The following PPFIBP1 variants were observed in gnomAD, a reference collection of about 807,000 sequenced individuals.
PPFIBP1 encodes liprin-beta-1.
PPFIBP1 carries 112 observed loss-of-function variants against 137.8 expected under a neutral mutation model. The ratio of observed to expected loss-of-function variants is 0.81; its 90% CI spans 0.70 to 0.95. PPFIBP1 has a LOEUF of 0.95. Among genes scored for constraint, PPFIBP1 ranks in the 40% least tolerant of loss-of-function variants. The pLI, the probability that PPFIBP1 is intolerant of heterozygous loss-of-function variation, is 0.00. For missense variants in PPFIBP1, 1,083 were observed against 1,196.6 expected (o/e 0.91, Z 1.40); for synonymous variants, 378 against 417.3 (o/e 0.91, Z 1.15).
chr12:27,603,798 TGA>T (rs1408984972), intron 2 of PPFIBP1, among the ~76,000 whole-genome samples: 1 of 152,174 alleles, frequency 6.6e-6, no homozygotes, highest in Non-Finnish European at 1.5e-5. Flanking sequence ...TTTGGTGAAA[TGA>T]GTGTCATCTA....
At chr12:27,644,244 GTTTTT>G (rs3842650) in intron 4 of PPFIBP1, among the ~76,000 whole-genome samples, 20 of 117,772 alleles carry the variant, frequency 1.7e-4, no homozygotes, top group Admixed American at 6.8e-4. Context: ...GCTTGGCTAA[GTTTTT>G]TTTTTTTTTT....
chr12:27,564,103 C>T (rs1424287522), intron 1 of PPFIBP1, among the ~76,000 whole-genome samples: 1 of 152,110 alleles, frequency 6.6e-6, no homozygotes, highest in African/African-American at 2.4e-5. Context: ...GAACTCCTGA[C>T]CTTGTGATCC....
intron 1 of PPFIBP1, among the ~76,000 whole-genome samples, chr12:27,529,204 C>A (rs1209316800): frequency 6.6e-6 from 1 of 152,222 alleles, no homozygotes; most frequent in Non-Finnish European, 1.5e-5. Flanking sequence ...ATTTTATGGA[C>A]ACCCTCTGGA....
intron 11 of PPFIBP1, among the ~76,000 whole-genome samples, chr12:27,663,857 A>G (rs2059695736): frequency 6.6e-6 from 1 of 152,006 alleles, no homozygotes. Flanking sequence ...AAAAAAGAGA[A>G]AAAGGATGAA....
Position 27,543,758 on chromosome 12 carries a change from C to T in PPFIBP1, c.-124+19393C>T, listed in dbSNP as rs145182634. Among the ~76,000 whole-genome samples, 803 of 152,166 alleles carry T rather than the reference C, an allele frequency of 5.3e-3. 6 individuals carry two copies. The highest frequency in any genetic ancestry group is 0.018 in the African/African-American group (763 of 41,516). ...CGTTGGCTAAATCTTATAACGTTTG[C>T]AAGCTGAGTGCAGGACGTTGTGAAA... On this transcript the variant is annotated intron_variant, in intron 1 of 29. Coordinates refer to ENST00000228425, the MANE Select transcript of PPFIBP1 (RefSeq NM_003622.4).
rs1393226484 is a variant in PPFIBP1, at chr12:27,633,265, G to A, written c.-35-97G>A. ...CTACTGAAGTTCTTCTTCCATATTTGACTACACAGCAGAGTTATCATTTGA... is the reference window on the plus strand; with the variant it reads ...CTACTGAAGTTCTTCTTCCATATTTAACTACACAGCAGAGTTATCATTTGA... On this transcript the variant is annotated intron_variant, in intron 2 of 29. Coordinates refer to ENST00000228425, the MANE Select transcript of PPFIBP1 (RefSeq NM_003622.4). 2.8e-5 allele frequency: 22 copies of A among 793,856 alleles called. No homozygotes were observed. In the Admixed American group the frequency reaches 5.2e-4, roughly 19 times the overall value. The allele number at this position is 793,856 out of a possible 1,614,324, so 49.2% of individuals were successfully genotyped here.
chr12:27,665,929 G>T (rs1437985447), intron 12 of PPFIBP1, among the ~76,000 whole-genome samples: 1 of 152,208 alleles, frequency 6.6e-6, no homozygotes, highest in Non-Finnish European at 1.5e-5. Flanking sequence ...GCCTTCAGAA[G>T]AAGAGTCTCT....
At chr12:27,567,430 T>C (rs1416327489) in intron 1 of PPFIBP1, among the ~76,000 whole-genome samples, 2 of 152,340 alleles carry the variant, frequency 1.3e-5, no homozygotes, top group African/African-American at 2.4e-5. Flanking sequence ...TCCCTAGCAA[T>C]AGGAATTATT....
At chr12:27,607,481 A>G (rs980197094) in intron 2 of PPFIBP1, among the ~76,000 whole-genome samples, 3 of 152,252 alleles carry the variant, frequency 2.0e-5, no homozygotes, top group East Asian at 1.9e-4. Context: ...GATCATTGTC[A>G]GAGGGTCTTA....
At chr12:27,612,332 T>G (rs1211123117) in intron 2 of PPFIBP1, among the ~76,000 whole-genome samples, 4 of 137,832 alleles carry the variant, frequency 2.9e-5, no homozygotes, top group East Asian at 2.0e-4. Context: ...ATTGGTGTTT[T>G]TTTTTTTTTT....
At chr12:27,586,920 T>TGG (rs2051828979) in intron 2 of PPFIBP1, among the ~76,000 whole-genome samples, 1 of 152,330 alleles carries the variant, frequency 6.6e-6, no homozygotes, top group East Asian at 1.9e-4. Flanking sequence ...ATTTAAAAGA[T>TGG]GGTATTTTGA....
At chr12:27,680,756 C>T (rs1316631316) in intron 21 of PPFIBP1, among the ~76,000 whole-genome samples, 1 of 152,226 alleles carries the variant, frequency 6.6e-6, no homozygotes, top group African/African-American at 2.4e-5. Flanking sequence ...ACTACATTGA[C>T]TCACTGTGCA....
In PPFIBP1 at chr12:27,647,656, A is replaced by T. The variant is rs1305952412; in HGVS notation, c.358-73A>T. On this transcript the variant is annotated intron_variant, in intron 5 of 29. Coordinates refer to ENST00000228425, the MANE Select transcript of PPFIBP1 (RefSeq NM_003622.4). Reference sequence around the variant, plus strand: ...GTAGGATCATTCCTTTTTTTGTTCCATTTAGAGAAATAACGTATGCAGTGG... The same window carrying T: ...GTAGGATCATTCCTTTTTTTGTTCCTTTTAGAGAAATAACGTATGCAGTGG... The T allele has an allele frequency of 6.7e-6, 6 of 895,172 alleles. No individual in the cohort carries two copies. The East Asian group carries it at 1.4e-4, about 21-fold the overall frequency. 55.5% of individuals were successfully genotyped at this position (895,172 alleles called of 1,614,324 possible). A position where few individuals can be genotyped will look rare whatever the true frequency, so the allele number is the denominator to read the frequency against.
At chr12:27,550,989 A>AT (rs1392939186) in intron 1 of PPFIBP1, among the ~76,000 whole-genome samples, 3 of 89,864 alleles carry the variant, frequency 3.3e-5, no homozygotes, top group African/African-American at 1.3e-4. Context: ...ATATATATAT[A>AT]TATTTTTTTT....
At chr12:27,586,305 A>G (rs1470157449) in intron 2 of PPFIBP1, among the ~76,000 whole-genome samples, 1 of 152,238 alleles carries the variant, frequency 6.6e-6, no homozygotes, top group Non-Finnish European at 1.5e-5. Flanking sequence ...AACTTTTTAA[A>G]TTATTTGCCA....
intron 1 of PPFIBP1, among the ~76,000 whole-genome samples, chr12:27,567,073 T>C (rs1017798803): frequency 6.6e-6 from 1 of 152,212 alleles, no homozygotes; most frequent in African/African-American, 2.4e-5. Context: ...CTTTCTAATC[T>C]ATATCAATAA....
chr12:27,534,262 C>T (rs561690097), intron 1 of PPFIBP1, among the ~76,000 whole-genome samples: 3 of 151,442 alleles, frequency 2.0e-5, no homozygotes, highest in South Asian at 2.1e-4. Flanking sequence ...TCTTCTGATG[C>T]GATGGAAGAG....
At chr12:27,545,993 G>A (rs1371674653) in intron 1 of PPFIBP1, among the ~76,000 whole-genome samples, 1 of 152,194 alleles carries the variant, frequency 6.6e-6, no homozygotes, top group Non-Finnish European at 1.5e-5. Context: ...CTGGATTGTA[G>A]AGTCATTGAG....
At chr12:27,610,504 A>G (rs778855325) in intron 2 of PPFIBP1, among the ~76,000 whole-genome samples, 36 of 152,210 alleles carry the variant, frequency 2.4e-4, no homozygotes, top group East Asian at 1.3e-3. Flanking sequence ...GGAAGGCCTC[A>G]TTGGAGAGGC....
Sources: allele counts gnomAD v4.1 joint callset (sites outside exome capture counted in the v4.1 genomes callset), GRCh38; gene constraint gnomAD v4.1.1; transcripts MANE v1.5; gene names NCBI Gene and HGNC (gene_info 2026-07-23, HGNC 2026-07-21).